The following CBFB variants were observed in gnomAD, a reference collection of about 807,000 sequenced individuals.
CBFB encodes CBF-beta.
CBFB carries 9 observed loss-of-function variants against 30.4 expected under a neutral mutation model. The ratio of observed to expected loss-of-function variants is 0.30; its 90% CI spans 0.18 to 0.52. The LOEUF is 0.52. CBFB is among the 20% of genes least tolerant of loss of function. CBFB has a pLI of 0.97. For synonymous variants in CBFB, 94 were observed against 84.0 expected (o/e 1.12, Z -0.65); for missense variants, 170 against 244.0 (o/e 0.70, Z 2.02).
chr16:67,029,841 G>T, intron 2 of CBFB, 28 bp downstream of exon 2: 2 of 1,549,672 alleles, frequency 1.3e-6, no homozygotes, highest in East Asian at 2.5e-5. Flanking sequence ...GGGCGCGCGC[G>T]GGTCACTTGT....
At chr16:67,064,427 G>A (rs1960997853) in intron 3 of CBFB, among the ~76,000 whole-genome samples, 1 of 151,996 alleles carries the variant, frequency 6.6e-6, no homozygotes, top group Non-Finnish European at 1.5e-5. Context: ...GGCTGGTCTC[G>A]AACTTCTGAT....
At chr16:67,037,261 ATAT>A (rs1966457482) in intron 3 of CBFB, among the ~76,000 whole-genome samples, 1 of 152,218 alleles carries the variant, frequency 6.6e-6, no homozygotes, top group Non-Finnish European at 1.5e-5. Flanking sequence ...CATGTACATA[ATAT>A]TTGTCATAGA....
intron 4 of CBFB, among the ~76,000 whole-genome samples, chr16:67,080,740 A>G (rs531662401): frequency 9.9e-5 from 15 of 152,264 alleles, no homozygotes; most frequent in African/African-American, 3.4e-4. Context: ...ATCTTCATTT[A>G]TATTTCTGGC....
rs571192193 is a variant in CBFB, at chr16:67,079,251, A to C, written c.400-2962A>C. ...TATAAAGTATTACTATGCCTTTCTT[A>C]CATGTAAATTTACTGAGGCTTAGAG... On this transcript the variant is annotated intron_variant, in intron 4 of 5. Coordinates refer to ENST00000412916, the MANE Select transcript of CBFB (RefSeq NM_022845.3). Among the ~76,000 whole-genome samples, 11 of 152,290 alleles carry C rather than the reference A, an allele frequency of 7.2e-5. No homozygotes were observed. In the East Asian group the frequency reaches 1.9e-3, roughly 27 times the overall value.
intron 4 of CBFB, among the ~76,000 whole-genome samples, chr16:67,076,145 G>T (rs1370776555): frequency 1.3e-5 from 2 of 152,088 alleles, no homozygotes; most frequent in Non-Finnish European, 2.9e-5. Flanking sequence ...CAGGAGAATC[G>T]CTTGGACCCG....
intron 5 of CBFB, among the ~76,000 whole-genome samples, chr16:67,084,975 C>T (rs1395788856): frequency 6.6e-6 from 1 of 152,198 alleles, no homozygotes; most frequent in African/African-American, 2.4e-5. Context: ...TGAGTAAATA[C>T]ATGTGAAACC....
intron 5 of CBFB, 62 bp from the exon 6 acceptor site, chr16:67,098,648 A>G: frequency 2.1e-6 from 2 of 943,412 alleles, no homozygotes; most frequent in South Asian, 1.3e-5. Flanking sequence ...TGTATTTTGT[A>G]TATCTAGTAT....
intron 5 of CBFB, among the ~76,000 whole-genome samples, chr16:67,086,510 A>G (rs937622201): frequency 6.6e-6 from 1 of 152,202 alleles, no homozygotes; most frequent in African/African-American, 2.4e-5. Flanking sequence ...TGTGTCTTCC[A>G]CATTACCTAC....
chr16:67,064,332 A>G (rs973085780), intron 3 of CBFB, among the ~76,000 whole-genome samples: 1 of 151,968 alleles, frequency 6.6e-6, no homozygotes, highest in Non-Finnish European at 1.5e-5. Flanking sequence ...TCAGCCTCCC[A>G]AGTACCTGGG....
chr16:67,044,572 T>G (rs1049007131), intron 3 of CBFB, among the ~76,000 whole-genome samples: 7 of 152,222 alleles, frequency 4.6e-5, no homozygotes, highest in Non-Finnish European at 8.8e-5. Context: ...TAATTTATTT[T>G]TATGAGCATA....
At chr16:67,066,239 A>G (rs1223975547) in intron 3 of CBFB, among the ~76,000 whole-genome samples, 1 of 151,778 alleles carries the variant, frequency 6.6e-6, no homozygotes, top group African/African-American at 2.4e-5. Flanking sequence ...CCATCTTTCT[A>G]CCCAACATTC....
At chr16:67,086,028 A>G (rs1274160299) in intron 5 of CBFB, among the ~76,000 whole-genome samples, 2 of 151,858 alleles carry the variant, frequency 1.3e-5, no homozygotes, top group Non-Finnish European at 2.9e-5. Context: ...CAGTGAGTTA[A>G]TTAATCTAAT....
At chr16:67,050,598 C>A (rs908978118) in intron 3 of CBFB, among the ~76,000 whole-genome samples, 5 of 151,980 alleles carry the variant, frequency 3.3e-5, no homozygotes, top group African/African-American at 1.2e-4. Context: ...AGTTTGAGAC[C>A]AGCCTGGGCA....
intron 3 of CBFB, among the ~76,000 whole-genome samples, chr16:67,065,114 G>T (rs1961016568): frequency 6.6e-6 from 1 of 152,124 alleles, no homozygotes; most frequent in Non-Finnish European, 1.5e-5. Context: ...GGCCAGGCTG[G>T]TCTGAAACTC....
At chr16:67,035,683 G>A (rs1966431005) in intron 2 of CBFB, among the ~76,000 whole-genome samples, 1 of 152,116 alleles carries the variant, frequency 6.6e-6, no homozygotes, top group South Asian at 2.1e-4. Context: ...TTGAGATGAA[G>A]ACTCTATGCA....
At position 67,100,403 on chromosome 16, in the gene CBFB, A is replaced by G; in HGVS notation, c.*1625A>G. 4.5e-6 allele frequency: 1 copy of G among 223,520 alleles called. No homozygotes were observed. The highest frequency in any genetic ancestry group is 5.7e-5 in the Admixed American group (1 of 17,500). The allele number at this position is 223,520 out of a possible 1,614,324, so 13.8% of individuals were successfully genotyped here. A position where few individuals can be genotyped will look rare whatever the true frequency, so the allele number is the denominator to read the frequency against. The stretch of plus-strand genomic sequence containing the variant: ...TTATATATTTGAAGTTATGCATGGA[A>G]AGGAGTGTGTTTAAATTGTTACAAA... On this transcript the variant is annotated 3_prime_UTR_variant, in exon 6 of 6. Coordinates refer to ENST00000412916, the MANE Select transcript of CBFB (RefSeq NM_022845.3).
chr16:67,084,588 A>G (rs914175706), intron 5 of CBFB, among the ~76,000 whole-genome samples: 1 of 152,210 alleles, frequency 6.6e-6, no homozygotes, highest in Non-Finnish European at 1.5e-5. Context: ...GAATGTACTT[A>G]ACACTACTGA....
chr16:67,092,666 C>G (rs2145783525), intron 5 of CBFB, among the ~76,000 whole-genome samples: 1 of 103,328 alleles, frequency 9.7e-6, no homozygotes, highest in Middle Eastern at 7.6e-3. Flanking sequence ...GGGTGTCATT[C>G]TGTCACCCAG....
intron 3 of CBFB, among the ~76,000 whole-genome samples, chr16:67,053,031 GAGAA>G (rs956448224): frequency 3.4e-5 from 5 of 148,710 alleles, no homozygotes; most frequent in South Asian, 2.1e-4. Flanking sequence ...AAGAAAAAAA[GAGAA>G]AGAAAACTTT....
Sources: gnomAD v4.1 joint callset for allele counts (sites outside exome capture counted in the v4.1 genomes callset) on GRCh38, gnomAD v4.1.1 for gene constraint, MANE v1.5 for transcripts, NCBI Gene and HGNC (gene_info 2026-07-23, HGNC 2026-07-21) for gene names.